Variants in ADAMTS6 observed in about 807,000 individuals in gnomAD.
ADAMTS6 encodes ADAM metallopeptidase with thrombospondin type 1 motif 6, also known as A disintegrin and metalloproteinase with thrombospondin motifs 6.
In ADAMTS6, 23 loss-of-function variants were observed where a neutral mutation model predicts 144.3. The ratio of observed to expected loss-of-function variants is 0.16; its 90% CI spans 0.11 to 0.23. The LOEUF (loss-of-function observed/expected upper bound fraction) is 0.23. Ranked by LOEUF, ADAMTS6 falls within the 10% of genes least tolerant of loss-of-function variation. The pLI is 1.00. For synonymous variants in ADAMTS6, 444 were observed against 457.5 expected (o/e 0.97, Z 0.38); for missense variants, 999 against 1,379.6 (o/e 0.72, Z 4.37).
intron 7 of ADAMTS6, among the ~76,000 whole-genome samples, chr5:65,372,846 C>A (rs1561475598): frequency 6.6e-6 from 1 of 152,118 alleles, no homozygotes; most frequent in Non-Finnish European, 1.5e-5. Context: ...AAATTGACCA[C>A]ATAGTTGGAA....
intron 15 of ADAMTS6, among the ~76,000 whole-genome samples, chr5:65,232,006 G>C (rs531393725): frequency 6.6e-6 from 1 of 152,226 alleles, no homozygotes; most frequent in East Asian, 1.9e-4. Context: ...AGCTACTCGG[G>C]AGGCTGAGGC....
At chr5:65,286,565 T>A (rs1741687576) in intron 11 of ADAMTS6, among the ~76,000 whole-genome samples, 1 of 152,212 alleles carries the variant, frequency 6.6e-6, no homozygotes, top group African/African-American at 2.4e-5. Context: ...ATGATGTCTA[T>A]AAAATTTCTT....
chr5:65,409,409 A>G (rs1754860651), intron 7 of ADAMTS6, among the ~76,000 whole-genome samples: 1 of 152,210 alleles, frequency 6.6e-6, no homozygotes, highest in East Asian at 1.9e-4. Flanking sequence ...AGAAATCGAT[A>G]AATTCCTGGA....
At chr5:65,188,506 G>C (rs1754808480) in intron 21 of ADAMTS6, among the ~76,000 whole-genome samples, 1 of 152,122 alleles carries the variant, frequency 6.6e-6, no homozygotes, top group African/African-American at 2.4e-5. Flanking sequence ...GGATAACAAT[G>C]ATCAATCTCA....
At chr5:65,222,626 G>A (rs1004836069) in intron 18 of ADAMTS6, among the ~76,000 whole-genome samples, 3 of 152,000 alleles carry the variant, frequency 2.0e-5, no homozygotes, top group East Asian at 1.9e-4. Flanking sequence ...TTGCCTGGTT[G>A]TCTCTCCCCC....
At chr5:65,279,470 C>T (rs1233310805) in intron 11 of ADAMTS6, among the ~76,000 whole-genome samples, 1 of 152,098 alleles carries the variant, frequency 6.6e-6, no homozygotes, top group African/African-American at 2.4e-5. Context: ...GCGCCTGCCA[C>T]CATGCCTGGC....
intron 12 of ADAMTS6, among the ~76,000 whole-genome samples, chr5:65,263,814 C>A (rs1423428): frequency 0.58 from 88,208 of 151,982 alleles, 26,568 homozygotes; most frequent in African/African-American, 0.75. Flanking sequence ...AACTTTGACA[C>A]ACCAAAATAA....
rs1234871536 is a variant in ADAMTS6 at position 65,272,977 on chromosome 5, A to G, written c.1620+363T>C. Among the ~76,000 whole-genome samples, 4 of 152,054 alleles carry G rather than the reference A, an allele frequency of 2.6e-5. No homozygotes were observed. In the East Asian group the frequency reaches 5.8e-4, roughly 22 times the overall value. On this transcript the variant is annotated intron_variant, in intron 12 of 24. Coordinates refer to ENST00000381055, the MANE Select transcript of ADAMTS6 (RefSeq NM_197941.4). ...TAGTAATACTATAGTTATAAAGTCT[A>G]CTTCTGGGTTGCATAATTTTCCGGG...
intron 22 of ADAMTS6, among the ~76,000 whole-genome samples, chr5:65,180,037 T>A (rs1488666156): frequency 6.6e-6 from 1 of 152,112 alleles, no homozygotes; most frequent in Non-Finnish European, 1.5e-5. Context: ...TATATGCTCT[T>A]CTTTATCTGG....
intron 7 of ADAMTS6, among the ~76,000 whole-genome samples, chr5:65,397,928 G>A (rs1753495859): frequency 2.0e-5 from 3 of 151,048 alleles, no homozygotes; most frequent in Admixed American, 1.3e-4. Context: ...ATATTGTTTG[G>A]GGCTTTCCAG....
chr5:65,368,282 T>C (rs1750495947), intron 7 of ADAMTS6, among the ~76,000 whole-genome samples: 1 of 152,236 alleles, frequency 6.6e-6, no homozygotes, highest in Non-Finnish European at 1.5e-5. Flanking sequence ...GCATTTCTTT[T>C]GGATCCTGAT....
chr5:65,425,149 A>C (rs1001405753), intron 7 of ADAMTS6, among the ~76,000 whole-genome samples: 5 of 152,160 alleles, frequency 3.3e-5, no homozygotes, highest in African/African-American at 9.7e-5. Context: ...GGCGCACGGC[A>C]CCATGTCCAG....
chr5:65,283,527 C>A (rs1763145787), intron 11 of ADAMTS6, among the ~76,000 whole-genome samples: 1 of 151,884 alleles, frequency 6.6e-6, no homozygotes, highest in South Asian at 2.1e-4. Context: ...TTTAAAGATA[C>A]AAGTGATCAT....
intron 7 of ADAMTS6, among the ~76,000 whole-genome samples, chr5:65,360,975 A>C (rs1749774312): frequency 6.6e-6 from 1 of 152,144 alleles, no homozygotes; most frequent in Non-Finnish European, 1.5e-5. Context: ...TCTCTTTATC[A>C]CGTCAGGTCT....
chr5:65,307,774 C>A (rs1428449538), intron 9 of ADAMTS6, among the ~76,000 whole-genome samples: 1 of 152,136 alleles, frequency 6.6e-6, no homozygotes, highest in Non-Finnish European at 1.5e-5. Flanking sequence ...AGGCTCTGGT[C>A]CTGTTTCTTG....
At chr5:65,231,968 G>T (rs1367397161) in intron 15 of ADAMTS6, among the ~76,000 whole-genome samples, 2 of 152,076 alleles carry the variant, frequency 1.3e-5, no homozygotes, top group Admixed American at 6.6e-5. Flanking sequence ...AAAGTTAGCT[G>T]GTCATGGTGG....
chr5:65,440,541 C>T (rs1360414994), intron 7 of ADAMTS6, among the ~76,000 whole-genome samples: 1 of 152,146 alleles, frequency 6.6e-6, no homozygotes, highest in Non-Finnish European at 1.5e-5. Context: ...CTAAGTACAG[C>T]AGCAGAGGCA....
chr5:65,265,128 C>T (rs1378147734), intron 12 of ADAMTS6, among the ~76,000 whole-genome samples: 1 of 151,962 alleles, frequency 6.6e-6, no homozygotes, highest in East Asian at 1.9e-4. Flanking sequence ...GTTAACATTT[C>T]CTTGGCTGTA....
intron 1 of ADAMTS6, among the ~76,000 whole-genome samples, chr5:65,475,716 G>C (rs1026226470): frequency 1.3e-5 from 2 of 151,834 alleles, no homozygotes; most frequent in African/African-American, 4.8e-5. Flanking sequence ...TAGATAACCA[G>C]AAAAAAATGG....
Sources: allele counts gnomAD v4.1 joint callset (sites outside exome capture counted in the v4.1 genomes callset), GRCh38; gene constraint gnomAD v4.1.1; transcripts MANE v1.5; gene names NCBI Gene and HGNC (gene_info 2026-07-23, HGNC 2026-07-21).